The following KLF8 variants were observed in gnomAD, a reference collection of about 807,000 sequenced individuals.
KLF8 encodes the protein Krueppel-like factor 8.
KLF8 carries 10 observed loss-of-function variants against 18.2 expected under a neutral mutation model. The observed-to-expected ratio is 0.55, with a 90% CI of 0.34 to 0.93. The LOEUF (loss-of-function observed/expected upper bound fraction) is 0.93. Ranked by LOEUF, KLF8 falls within the 40% of genes least tolerant of loss-of-function variation. KLF8 has a pLI of 0.02. For synonymous variants in KLF8, 109 were observed against 97.3 expected, an observed-to-expected ratio of 1.12 and a Z score of -0.71; for missense variants, 264 against 277.9, an observed-to-expected ratio of 0.95 and a Z score of 0.36.
At chrX:56,213,274 CTTTTG>C in the KLF8 span, among the ~76,000 whole-genome samples, 592 of 52,036 alleles carry the variant, frequency 0.011, 22 homozygotes, top group African/African-American at 0.052. Context: ...ATTTCTTTTT[CTTTTG>C]TTTTCTTTTC....
At chrX:56,035,500 G>T in the KLF8 span, among the ~76,000 whole-genome samples, 1 of 111,779 alleles carries the variant, frequency 8.9e-6, no homozygotes, top group Non-Finnish European at 1.9e-5. Flanking sequence ...GGGATTACTG[G>T]ATCATATAGT....
chrX:56,188,455 T>C, the KLF8 span, among the ~76,000 whole-genome samples: 1 of 111,410 alleles, frequency 9.0e-6, no homozygotes, highest in South Asian at 3.8e-4. Flanking sequence ...CCAAGGTAAT[T>C]TATAGATTCA....
chrX:56,110,901 A>G, the KLF8 span, among the ~76,000 whole-genome samples: 4 of 111,757 alleles, frequency 3.6e-5, no homozygotes, highest in African/African-American at 1.3e-4. Flanking sequence ...ATATTTATTT[A>G]TATAGTTACC....
chrX:56,030,190 T>A, the KLF8 span, among the ~76,000 whole-genome samples: 2 of 111,640 alleles, frequency 1.8e-5, no homozygotes, highest in Non-Finnish European at 3.8e-5. Flanking sequence ...GAGCCCCTTT[T>A]TTTCAGACCT....
rs1298321992 is a variant in KLF8 at position 56,284,456 on chromosome X, C to T, written c.1042C>T (p.His348Tyr). The part of the protein sequence containing the change: ...DCNRSFSRSD[H>Y]LSLHRRRHDT... ...CAACCGCAGCTTTTCTCGTTCTGACCACCTGTCCCTGCATCGCCGTCGCCA... is the reference window on the plus strand; with the variant it reads ...CAACCGCAGCTTTTCTCGTTCTGACTACCTGTCCCTGCATCGCCGTCGCCA... Residue 348 changes from histidine to tyrosine, a missense_variant, in exon 6 of 6, where the codon CAC becomes TAC. Physicochemically the swap from His to Tyr is moderately conservative, Grantham distance 83 (BLOSUM62 2). This residue lies in a region of KLF8 where 43 missense variants were observed against 84.3 expected (regional missense o/e 0.51). Transcript: ENST00000468660. 8.3e-7 allele frequency: 1 copy of T among 1,204,807 alleles called. No individual in the cohort carries two copies. The highest frequency in any genetic ancestry group is 1.1e-6 in the Non-Finnish European group (1 of 892,513).
At chrX:56,127,631 C>A in the KLF8 span, among the ~76,000 whole-genome samples, 1 of 111,652 alleles carries the variant, frequency 9.0e-6, no homozygotes, top group Admixed American at 9.5e-5. Context: ...AGGCCCTTAC[C>A]TTCCAGCCTG....
intron 2 of KLF8, among the ~76,000 whole-genome samples, chrX:56,257,122 C>T (rs1279069297): frequency 4.5e-5 from 5 of 111,474 alleles, no homozygotes; most frequent in African/African-American, 1.3e-4. Flanking sequence ...CTAAATTCCT[C>T]TTGTTATTAA....
chrX:56,155,925 C>T, the KLF8 span, among the ~76,000 whole-genome samples: 6 of 111,805 alleles, frequency 5.4e-5, no homozygotes, highest in Non-Finnish European at 9.4e-5. Flanking sequence ...TTTTCTGTTA[C>T]TGCATTAATT....
At chrX:55,948,403 G>C in the KLF8 span, among the ~76,000 whole-genome samples, 38 of 112,031 alleles carry the variant, frequency 3.4e-4, no homozygotes, top group African/African-American at 1.2e-3. Flanking sequence ...AATTGGCCAA[G>C]TTTATAGTTT....
chrX:56,147,169 G>A, the KLF8 span, among the ~76,000 whole-genome samples: 11 of 112,453 alleles, frequency 9.8e-5, no homozygotes, highest in South Asian at 3.7e-3. Flanking sequence ...GAAATGGAGA[G>A]GAGAAACAGA....
At position 56,291,370 on chromosome X, in the gene KLF8, A is replaced by T. The variant is rs1254262106; in HGVS notation, c.*6876A>T. On this transcript the variant is annotated 3_prime_UTR_variant, in exon 6 of 6. Coordinates refer to ENST00000468660, the MANE Select transcript of KLF8 (RefSeq NM_007250.5). ...TCTGTTATGCACCTGGAGATACTCAAGATTTGCCTCTGTTAGCATGGCCAC... is the reference window on the plus strand; with the variant it reads ...TCTGTTATGCACCTGGAGATACTCATGATTTGCCTCTGTTAGCATGGCCAC... Among the ~76,000 whole-genome samples, 1 of 111,711 alleles carries T rather than the reference A, an allele frequency of 9.0e-6. No homozygotes were observed. Among genetic ancestry groups the T allele is most frequent in the Non-Finnish European group, 1.9e-5 (1 of 53,116 alleles).
At chrX:56,048,880 T>C in the KLF8 span, among the ~76,000 whole-genome samples, 3 of 111,967 alleles carry the variant, frequency 2.7e-5, no homozygotes, top group African/African-American at 9.7e-5. Context: ...TTTCATGATA[T>C]TGATTCTTCC....
the KLF8 span, among the ~76,000 whole-genome samples, chrX:56,027,664 G>A: frequency 8.9e-6 from 1 of 111,921 alleles, no homozygotes; most frequent in African/African-American, 3.3e-5. Context: ...TCTCCTTGTG[G>A]GTTGATGAAG....
the KLF8 span, among the ~76,000 whole-genome samples, chrX:55,953,796 A>C: frequency 9.0e-6 from 1 of 110,955 alleles, no homozygotes; most frequent in Non-Finnish European, 1.9e-5. Context: ...CTTACTTCAT[A>C]CCATACATAT....
the KLF8 span, among the ~76,000 whole-genome samples, chrX:56,149,803 C>A: frequency 2.3e-4 from 26 of 110,745 alleles, no homozygotes; most frequent in African/African-American, 6.2e-4. Flanking sequence ...GGGCTCAAAT[C>A]TCACTAACCC....
chrX:56,039,346 T>C, the KLF8 span, among the ~76,000 whole-genome samples: 1 of 112,013 alleles, frequency 8.9e-6, no homozygotes, highest in Non-Finnish European at 1.9e-5. Flanking sequence ...GTTTTGGGTT[T>C]TACATTTAAG....
the KLF8 span, among the ~76,000 whole-genome samples, chrX:55,998,830 A>G: frequency 1.1e-5 from 1 of 94,280 alleles, no homozygotes; most frequent in Non-Finnish European, 2.1e-5. Flanking sequence ...TTTTTTTAGC[A>G]GAAGCTTTTT....
At chrX:56,040,524 C>A in the KLF8 span, among the ~76,000 whole-genome samples, 1 of 111,817 alleles carries the variant, frequency 8.9e-6, no homozygotes, top group Non-Finnish European at 1.9e-5. Context: ...TGATTAATCA[C>A]ATTTATTGAT....
At chrX:56,139,455 A>G in the KLF8 span, among the ~76,000 whole-genome samples, 3 of 111,889 alleles carry the variant, frequency 2.7e-5, no homozygotes, top group East Asian at 8.4e-4. Context: ...AAAAACAAAC[A>G]CATAGACTAA....
Sources: gnomAD v4.1 joint callset for allele counts (sites outside exome capture counted in the v4.1 genomes callset) on GRCh38, gnomAD v4.1.1 for gene constraint, gnomAD v4.1.1 regional missense constraint, MANE v1.5 for transcripts, NCBI Gene and HGNC (gene_info 2026-07-23, HGNC 2026-07-21) for gene names.